Variants in MYO16 observed in about 807,000 individuals in gnomAD.
MYO16 encodes the protein unconventional myosin-XVI.
MYO16 carries 94 observed loss-of-function variants against 205.3 expected under a neutral mutation model. The observed-to-expected ratio is 0.46, with a 90% confidence interval of 0.39 to 0.54. The LOEUF is 0.54. MYO16 is among the 20% of genes least tolerant of loss of function. MYO16 has a pLI of 0.00. For synonymous variants in MYO16, 988 were observed against 954.0 expected (o/e 1.04, Z -0.66); for missense variants, 2,315 against 2,387.5 (o/e 0.97, Z 0.63).
intron 4 of MYO16, among the ~76,000 whole-genome samples, chr13:108,737,475 C>T (rs887769346): frequency 6.6e-6 from 1 of 152,084 alleles, no homozygotes; most frequent in African/African-American, 2.4e-5. Context: ...GCCTTGCATC[C>T]CAGGGATGAA....
intron 23 of MYO16, among the ~76,000 whole-genome samples, chr13:109,023,523 A>T (rs1886200898): frequency 1.7e-5 from 2 of 117,716 alleles, no homozygotes; most frequent in Admixed American, 2.1e-4. Flanking sequence ...ATATATTTAT[A>T]ATTATATATA....
intron 16 of MYO16, among the ~76,000 whole-genome samples, chr13:108,934,351 A>G (rs1349053341): frequency 1.3e-5 from 2 of 152,148 alleles, no homozygotes; most frequent in Non-Finnish European, 2.9e-5. Context: ...ATTAATGATG[A>G]AAAGCATTTT....
chr13:108,658,190 TTTTG>T (rs1430883496), intron 1 of MYO16, among the ~76,000 whole-genome samples: 2 of 152,248 alleles, frequency 1.3e-5, no homozygotes, highest in South Asian at 2.1e-4. Flanking sequence ...ATTTGGGTCA[TTTTG>T]TTTGTTTGTT....
At chr13:108,726,474 A>G (rs1325443176) in intron 3 of MYO16, among the ~76,000 whole-genome samples, 1 of 151,798 alleles carries the variant, frequency 6.6e-6, no homozygotes, top group Non-Finnish European at 1.5e-5. Flanking sequence ...CAGGAGAATT[A>G]CTTGAACCTG....
At position 109,116,764 on chromosome 13, in the gene MYO16, G is replaced by A. The variant is rs1265476355; in HGVS notation, c.3439-3606G>A. Among the ~76,000 whole-genome samples the A allele has an allele frequency of 2.6e-5, 4 of 152,296 alleles. No homozygotes were observed. The East Asian group carries it at 7.7e-4, about 29-fold the overall frequency. On this transcript the variant is annotated intron_variant, in intron 28 of 34. Coordinates refer to ENST00000457511, the MANE Select transcript of MYO16 (RefSeq NM_001198950.3). ...GGGTCAGCTAGTTCCTGGTTCCCCA[G>A]CCTATGGCTGCACCTAGCCATGGGT... is the stretch of plus-strand genomic sequence containing the variant.
intron 4 of MYO16, among the ~76,000 whole-genome samples, chr13:108,754,112 T>G (rs1255708019): frequency 1.3e-5 from 2 of 151,974 alleles, no homozygotes; most frequent in African/African-American, 4.8e-5. Flanking sequence ...AGTTGTAGCA[T>G]GCAGAACAAA....
chr13:108,942,960 A>G (rs1267652837), intron 16 of MYO16, among the ~76,000 whole-genome samples: 1 of 152,218 alleles, frequency 6.6e-6, no homozygotes, highest in Admixed American at 6.5e-5. Context: ...TCTGTGAGTA[A>G]CAGGAGGGTA....
intron 16 of MYO16, among the ~76,000 whole-genome samples, chr13:108,924,873 T>C (rs56228813): frequency 0.02 from 3,061 of 152,314 alleles, 108 homozygotes; most frequent in African/African-American, 0.07. Context: ...CGTTAATTCA[T>C]AGCAGCGAAT....
intron 1 of MYO16, among the ~76,000 whole-genome samples, chr13:108,603,960 A>G (rs774282958): frequency 1.3e-5 from 2 of 152,222 alleles, no homozygotes; most frequent in East Asian, 3.8e-4. Flanking sequence ...GAAAGATTTA[A>G]TTGACTCACA....
At chr13:108,898,449 T>A (rs956949169) in intron 15 of MYO16, among the ~76,000 whole-genome samples, 3 of 151,332 alleles carry the variant, frequency 2.0e-5, no homozygotes, top group Middle Eastern at 3.4e-3. Flanking sequence ...AAAAATATTC[T>A]CAAATGCAAG....
At chr13:108,913,369 G>T (rs1274314785) in intron 16 of MYO16, among the ~76,000 whole-genome samples, 13 of 152,090 alleles carry the variant, frequency 8.5e-5, no homozygotes, top group Admixed American at 6.5e-4. Context: ...ATTTTTTGTT[G>T]TTTATGTTAT....
intron 2 of MYO16, among the ~76,000 whole-genome samples, chr13:108,700,935 T>C (rs1883283724): frequency 6.6e-6 from 1 of 152,206 alleles, no homozygotes; most frequent in South Asian, 2.1e-4. Context: ...AAATAGGAAG[T>C]GCAGACTAAG....
the MYO16 span, among the ~76,000 whole-genome samples, chr13:108,525,631 C>T: frequency 6.6e-6 from 1 of 152,194 alleles, no homozygotes; most frequent in African/African-American, 2.4e-5. Context: ...CTTGATAGCA[C>T]CAACTCCATA....
chr13:109,175,419 A>G (rs879900281), intron 33 of MYO16, among the ~76,000 whole-genome samples: 1 of 152,180 alleles, frequency 6.6e-6, no homozygotes, highest in Non-Finnish European at 1.5e-5. Flanking sequence ...TGCCATGGAG[A>G]TCAGCTTTGG....
chr13:109,173,126 A>C (rs2139897513), intron 33 of MYO16, among the ~76,000 whole-genome samples: 1 of 152,330 alleles, frequency 6.6e-6, no homozygotes, highest in East Asian at 1.9e-4. Flanking sequence ...GAGGAAACCC[A>C]GTGAAGAGAG....
chr13:108,698,938 T>A (rs9559384), intron 2 of MYO16, among the ~76,000 whole-genome samples: 9,058 of 152,106 alleles, frequency 0.06, 368 homozygotes, highest in East Asian at 0.22. Context: ...ACCCAAAAAC[T>A]CAAAGAGCAT....
chr13:109,075,839 A>C (rs908489626), intron 27 of MYO16, among the ~76,000 whole-genome samples: 5 of 127,802 alleles, frequency 3.9e-5, no homozygotes, highest in African/African-American at 1.4e-4. Context: ...GTTTTCTCCA[A>C]GTCAGTGTCC....
At chr13:108,946,694 A>G (rs950301306) in intron 16 of MYO16, among the ~76,000 whole-genome samples, 1 of 152,204 alleles carries the variant, frequency 6.6e-6, no homozygotes, top group African/African-American at 2.4e-5. Context: ...TTCTCCAGAA[A>G]AACAGAGCCA....
chr13:108,636,359 T>TGTGTGTG (rs1326267664), intron 1 of MYO16, among the ~76,000 whole-genome samples: 5 of 96,938 alleles, frequency 5.2e-5, no homozygotes, highest in Non-Finnish European at 1.1e-4. Context: ...TTTTTTTTTT[T>TGTGTGTG]TTTTTTTTTT....
Sources: allele counts gnomAD v4.1 joint callset (sites outside exome capture counted in the v4.1 genomes callset), GRCh38; gene constraint gnomAD v4.1.1; transcripts MANE v1.5; gene names NCBI Gene and HGNC (gene_info 2026-07-23, HGNC 2026-07-21).